Variants in TEAD1 observed in about 807,000 individuals in gnomAD.
The protein encoded by TEAD1 is TEA domain transcription factor 1.
TEAD1 carries 9 observed loss-of-function variants against 54.9 expected under a neutral mutation model. That is an observed-to-expected ratio of 0.16 (90% CI 0.10 to 0.29). TEAD1 has a LOEUF of 0.29. TEAD1 is among the 10% of genes least tolerant of loss of function. The pLI, the probability that TEAD1 is intolerant of heterozygous loss-of-function variation, is 1.00. For synonymous variants in TEAD1, 200 were observed against 187.8 expected, an observed-to-expected ratio of 1.07 and a Z score of -0.53; for missense variants, 387 against 535.9, an observed-to-expected ratio of 0.72 and a Z score of 2.74.
intron 2 of TEAD1, among the ~76,000 whole-genome samples, chr11:12,726,558 A>G (rs909684185): frequency 6.6e-6 from 1 of 151,118 alleles, no homozygotes. Context: ...TGGGGGGAAA[A>G]AAAGTAAAAC....
intron 3 of TEAD1, among the ~76,000 whole-genome samples, chr11:12,775,701 G>T (rs969000676): frequency 3.9e-5 from 6 of 152,140 alleles, no homozygotes; most frequent in African/African-American, 1.4e-4. Context: ...AAAAAATCTG[G>T]AGGAATTTAC....
At chr11:12,916,248 C>T (rs958261061) in intron 10 of TEAD1, among the ~76,000 whole-genome samples, 25 of 152,018 alleles carry the variant, frequency 1.6e-4, no homozygotes, top group African/African-American at 5.3e-4. Context: ...ACGTAAGACC[C>T]GTCATAAACA....
chr11:12,933,525 G>C (rs1949049505), intron 12 of TEAD1, among the ~76,000 whole-genome samples: 1 of 151,954 alleles, frequency 6.6e-6, no homozygotes, highest in Admixed American at 6.6e-5. Flanking sequence ...GTAAATAGTT[G>C]TTATACTATA....
chr11:12,843,946 C>T (rs548847281), intron 3 of TEAD1, among the ~76,000 whole-genome samples: 1 of 152,136 alleles, frequency 6.6e-6, no homozygotes, highest in African/African-American at 2.4e-5. Flanking sequence ...AGATCATTTC[C>T]GTTTTCTTTT....
At chr11:12,757,867 C>A (rs1055261707) in intron 2 of TEAD1, among the ~76,000 whole-genome samples, 21 of 152,098 alleles carry the variant, frequency 1.4e-4, no homozygotes, top group Non-Finnish European at 2.4e-4. Flanking sequence ...GCTATCTCTG[C>A]CTCCCAAATT....
intron 10 of TEAD1, among the ~76,000 whole-genome samples, chr11:12,911,782 G>A (rs7944869): frequency 0.24 from 36,118 of 150,746 alleles, 4,355 homozygotes; most frequent in Non-Finnish European, 0.26. Flanking sequence ...GTTTGTTTTC[G>A]TAAGAAAAAT....
intron 3 of TEAD1, among the ~76,000 whole-genome samples, chr11:12,807,168 T>C (rs540264294): frequency 6.6e-6 from 1 of 152,216 alleles, no homozygotes; most frequent in Non-Finnish European, 1.5e-5. Context: ...GAAGCAATAA[T>C]GTTTGTGTGC....
At chr11:12,894,428 TA>T (rs960437566) in intron 9 of TEAD1, among the ~76,000 whole-genome samples, 5 of 152,012 alleles carry the variant, frequency 3.3e-5, no homozygotes, top group South Asian at 2.1e-4. Flanking sequence ...TCAGTCCTTT[TA>T]AAAAAAAGAG....
At chr11:12,679,556 T>A (rs148958176) in intron 2 of TEAD1, among the ~76,000 whole-genome samples, 38 of 152,348 alleles carry the variant, frequency 2.5e-4, no homozygotes, top group African/African-American at 8.7e-4. Flanking sequence ...GAAAAACTGC[T>A]GCTAATGGTG....
intron 2 of TEAD1, among the ~76,000 whole-genome samples, chr11:12,688,776 T>C (rs1943389111): frequency 6.6e-6 from 1 of 152,146 alleles, no homozygotes; most frequent in Admixed American, 6.5e-5. Context: ...TTAAATGAAA[T>C]ATAGCGAATG....
At chr11:12,710,974 C>G (rs756707981) in intron 2 of TEAD1, among the ~76,000 whole-genome samples, 4 of 152,192 alleles carry the variant, frequency 2.6e-5, no homozygotes, top group African/African-American at 7.2e-5. Flanking sequence ...TCTGGGAGGC[C>G]CCCGCCATTT....
At chr11:12,738,692 A>G (rs1944585519) in intron 2 of TEAD1, among the ~76,000 whole-genome samples, 1 of 152,142 alleles carries the variant, frequency 6.6e-6, no homozygotes, top group Non-Finnish European at 1.5e-5. Flanking sequence ...AGATGAAAAA[A>G]TCTTTGAATT....
At chr11:12,910,534 CG>C (rs1948597674) in intron 10 of TEAD1, among the ~76,000 whole-genome samples, 1 of 152,072 alleles carries the variant, frequency 6.6e-6, no homozygotes, top group Non-Finnish European at 1.5e-5. Flanking sequence ...TGAAATCTTA[CG>C]GATTTGTATC....
chr11:12,754,794 G>A (rs1261575289), intron 2 of TEAD1, among the ~76,000 whole-genome samples: 1 of 152,120 alleles, frequency 6.6e-6, no homozygotes, highest in African/African-American at 2.4e-5. Context: ...TTGTTGATTG[G>A]CTTATGACTC....
chr11:12,861,279 G>A (rs1947495398), intron 3 of TEAD1, among the ~76,000 whole-genome samples: 1 of 152,192 alleles, frequency 6.6e-6, no homozygotes, highest in Non-Finnish European at 1.5e-5. Context: ...CTGAAGTCAG[G>A]TTGTCTGAGA....
intron 3 of TEAD1, among the ~76,000 whole-genome samples, chr11:12,783,192 C>CTTTT (rs3046326): frequency 8.0e-5 from 8 of 99,560 alleles, no homozygotes; most frequent in African/African-American, 2.9e-4. Flanking sequence ...GTTTTTGTGC[C>CTTTT]TTTTTTTTTT....
intron 2 of TEAD1, among the ~76,000 whole-genome samples, chr11:12,754,868 A>T (rs1372064171): frequency 6.6e-6 from 1 of 152,192 alleles, no homozygotes; most frequent in Non-Finnish European, 1.5e-5. Context: ...TGCCTGTCTC[A>T]ATAATTTAGG....
At chr11:12,697,914 C>G (rs879477903) in intron 2 of TEAD1, among the ~76,000 whole-genome samples, 1 of 151,574 alleles carries the variant, frequency 6.6e-6, no homozygotes, top group Non-Finnish European at 1.5e-5. Flanking sequence ...TCCCAGCTAG[C>G]TGGGAGACTG....
intron 3 of TEAD1, among the ~76,000 whole-genome samples, chr11:12,839,167 T>C (rs1297346387): frequency 1.3e-5 from 2 of 151,822 alleles, no homozygotes; most frequent in Non-Finnish European, 2.9e-5. Flanking sequence ...TCTTAGCACT[T>C]TGGGAGGCAG....
Sources: allele counts gnomAD v4.1 joint callset (sites outside exome capture counted in the v4.1 genomes callset), GRCh38; gene constraint gnomAD v4.1.1; transcripts MANE v1.5; gene names NCBI Gene and HGNC (gene_info 2026-07-23, HGNC 2026-07-21).